Variants in ENTPD6 observed in about 807,000 individuals in gnomAD.
ENTPD6 encodes the protein CD39 antigen-like 2.
A neutral mutation model predicts 61.5 loss-of-function variants in ENTPD6; 46 were observed. The ratio of observed to expected loss-of-function variants is 0.75; its 90% CI spans 0.59 to 0.96. The LOEUF is 0.96. Among genes scored for constraint, ENTPD6 ranks in the 40% least tolerant of loss-of-function variants. The probability of loss-of-function intolerance (pLI) is 0.00; values close to 1 mark genes in which losing one functional copy is unlikely to be tolerated. For synonymous variants in ENTPD6, 252 were observed against 255.5 expected, an observed-to-expected ratio of 0.99 and a Z score of 0.13; for missense variants, 612 against 629.0, an observed-to-expected ratio of 0.97 and a Z score of 0.29.
At chr20:25,218,467 A>G in intron 9 of ENTPD6, 83 bp from the exon 10 acceptor site, 8 of 1,309,750 alleles carry the variant, frequency 6.1e-6, no homozygotes, top group Admixed American at 5.9e-5. Flanking sequence ...CCCCTTCCCC[A>G]CTCGGGCTGG....
At chr20:25,201,251 C>T (rs1055511958) in intron 1 of ENTPD6, among the ~76,000 whole-genome samples, 12 of 152,156 alleles carry the variant, frequency 7.9e-5, no homozygotes, top group Admixed American at 3.3e-4. Flanking sequence ...GCATGCAGGG[C>T]GCTCCGTTAC....
chr20:25,213,792 A>G (rs2092139217), intron 5 of ENTPD6, among the ~76,000 whole-genome samples: 1 of 152,152 alleles, frequency 6.6e-6, no homozygotes, highest in Non-Finnish European at 1.5e-5. Flanking sequence ...TCTACCAAAA[A>G]CACAAAAATT....
chr20:25,199,938 A>AGT (rs2090896272), intron 1 of ENTPD6, among the ~76,000 whole-genome samples: 1 of 152,232 alleles, frequency 6.6e-6, no homozygotes, highest in Non-Finnish European at 1.5e-5. Flanking sequence ...ATAATGCTTC[A>AGT]GTGAATGTGA....
Position 25,227,686 on chromosome 20 carries a change from G to T in ENTPD6, c.*2089G>T, listed in dbSNP as rs148659119. On this transcript the variant is annotated 3_prime_UTR_variant, in exon 15 of 15. Transcript: ENST00000376652. ...CACGCCCCACATGCCACCCCAGCCCGCGTACCCCACATCACTTAGCACCCA... is the reference window on the plus strand; with the variant it reads ...CACGCCCCACATGCCACCCCAGCCCTCGTACCCCACATCACTTAGCACCCA... Among the ~76,000 whole-genome samples, 6 of 152,300 alleles carry T rather than the reference G, an allele frequency of 3.9e-5. No homozygotes were observed. In the East Asian group the frequency reaches 1.2e-3, roughly 29 times the overall value.
intron 1 of ENTPD6, chr20:25,197,288 A>G (rs1176075268): frequency 3.2e-6 from 3 of 949,956 alleles, no homozygotes; most frequent in East Asian, 1.2e-4. Context: ...ACCACCAACA[A>G]CACTGCTCTA....
At chr20:25,207,971 C>T (rs2091655513) in intron 3 of ENTPD6, among the ~76,000 whole-genome samples, 1 of 152,212 alleles carries the variant, frequency 6.6e-6, no homozygotes, top group Admixed American at 6.5e-5. Context: ...CCCGGTTCCT[C>T]TGCTCTCCAA....
chr20:25,222,348 G>A (rs115419357), intron 11 of ENTPD6: 2,248 of 156,630 alleles, frequency 0.014, 24 homozygotes, highest in Middle Eastern at 0.034. Flanking sequence ...GTGTAGAGGC[G>A]CCCTCAGATG....
At chr20:25,215,569 G>C in intron 6 of ENTPD6, 107 bp from the exon 7 acceptor site, 1 of 1,119,122 alleles carries the variant, frequency 8.9e-7, no homozygotes, top group Non-Finnish European at 1.4e-6. Context: ...GTGCGGAAGT[G>C]ATCCCTTTAT....
chr20:25,220,944 C>G (rs576148772), intron 10 of ENTPD6, among the ~76,000 whole-genome samples: 1 of 152,384 alleles, frequency 6.6e-6, no homozygotes, highest in African/African-American at 2.4e-5. Context: ...GATGGCTCCC[C>G]TCCTAAAAGG....
intron 1 of ENTPD6, among the ~76,000 whole-genome samples, chr20:25,201,583 T>G (rs989456857): frequency 1.3e-5 from 2 of 152,240 alleles, no homozygotes; most frequent in African/African-American, 2.4e-5. Context: ...CAGCAACCCC[T>G]GCTCTCCTTT....
chr20:25,195,929 C>A (rs1600448256), intron 1 of ENTPD6, 62 bp downstream of exon 1: 2 of 1,049,422 alleles, frequency 1.9e-6, no homozygotes, highest in South Asian at 8.8e-5. Flanking sequence ...AGGCGGGCCT[C>A]CCCCACGCGG....
At chr20:25,208,322 T>C (rs1256373112) in intron 3 of ENTPD6, among the ~76,000 whole-genome samples, 1 of 152,246 alleles carries the variant, frequency 6.6e-6, no homozygotes, top group Non-Finnish European at 1.5e-5. Context: ...CTTCGAAGCC[T>C]GTAATCCCAG....
At chr20:25,203,950 A>T (rs2091255821) in intron 1 of ENTPD6, among the ~76,000 whole-genome samples, 1 of 152,244 alleles carries the variant, frequency 6.6e-6, no homozygotes, top group South Asian at 2.1e-4. Flanking sequence ...GATGAAGGCC[A>T]AAGTTTCCTC....
chr20:25,224,817 T>G, intron 13 of ENTPD6: 1 of 212,026 alleles, frequency 4.7e-6, no homozygotes, highest in Non-Finnish European at 9.3e-6. Context: ...CTTGGTGGAT[T>G]TGTCCTTCCT....
chr20:25,208,467 G>A (rs1012556690), intron 3 of ENTPD6, among the ~76,000 whole-genome samples: 1 of 146,190 alleles, frequency 6.8e-6, no homozygotes, highest in Non-Finnish European at 1.5e-5. Context: ...TTTTTAAGTG[G>A]AACTTTTTAA....
At chr20:25,217,227 T>C (rs1482643440) in intron 8 of ENTPD6, among the ~76,000 whole-genome samples, 3 of 152,138 alleles carry the variant, frequency 2.0e-5, no homozygotes, top group African/African-American at 4.8e-5. Flanking sequence ...TAGTTTTCCA[T>C]GGAAGGGTGG....
intron 10 of ENTPD6, among the ~76,000 whole-genome samples, chr20:25,220,550 C>T (rs181849959): frequency 2.3e-4 from 35 of 152,320 alleles, no homozygotes; most frequent in Admixed American, 2.1e-3. Context: ...TGTCGCTGGG[C>T]GGCTGTCTAG....
intron 7 of ENTPD6, among the ~76,000 whole-genome samples, chr20:25,215,968 C>T (rs1338164738): frequency 6.6e-6 from 1 of 152,206 alleles, no homozygotes; most frequent in East Asian, 1.9e-4. Context: ...GCCCTGTCCC[C>T]TGCAGAACAT....
At chr20:25,196,299 T>TA in intron 1 of ENTPD6, 1 of 916,946 alleles carries the variant, frequency 1.1e-6, no homozygotes, top group Non-Finnish European at 1.3e-6. Flanking sequence ...TAAGGACGAT[T>TA]CACCCTGGCA....
Sources: gnomAD v4.1 joint callset for allele counts (sites outside exome capture counted in the v4.1 genomes callset) on GRCh38, gnomAD v4.1.1 for gene constraint, MANE v1.5 for transcripts, NCBI Gene and HGNC (gene_info 2026-07-23, HGNC 2026-07-21) for gene names.